The following NRXN3 variants were observed in gnomAD, a reference collection of about 807,000 sequenced individuals.
The protein encoded by NRXN3 is neurexin III.
Under a neutral mutation model 137.6 loss-of-function variants are expected in NRXN3, and 32 were observed. The observed-to-expected ratio is 0.23, with a 90% CI of 0.18 to 0.31. The LOEUF is 0.31. Among genes scored for constraint, NRXN3 ranks in the 10% least tolerant of loss-of-function variants. NRXN3 has a pLI of 1.00. For synonymous variants in NRXN3, 798 were observed against 784.5 expected (o/e 1.02, Z -0.29); for missense variants, 1,574 against 2,062.5 (o/e 0.76, Z 4.59).
rs78731830 is a variant in NRXN3 at position 78,350,482 on chromosome 14, G to C, written c.757+52622G>C. 8.3e-3 allele frequency among the ~76,000 whole-genome samples: 1,257 copies of C among 152,140 alleles called. 42 individuals carry two copies. In the East Asian group the frequency reaches 0.085, roughly 10 times the overall value. ...TGGGGCAGTGAATGTGGCCAGAGCA[G>C]GGTATGCGTGGGAGACAGGCAGGGA... On this transcript the variant is annotated intron_variant, in intron 4 of 20. Coordinates refer to ENST00000335750, the MANE Select transcript of NRXN3 (RefSeq NM_001330195.2).
At chr14:79,510,815 A>G (rs1018168508) in intron 16 of NRXN3, among the ~76,000 whole-genome samples, 11 of 152,136 alleles carry the variant, frequency 7.2e-5, no homozygotes, top group African/African-American at 2.7e-4. Flanking sequence ...CAGCTTAGTC[A>G]TATCTCAAGG....
intron 15 of NRXN3, among the ~76,000 whole-genome samples, chr14:79,306,955 C>G (rs1421378668): frequency 6.6e-6 from 1 of 151,974 alleles, no homozygotes; most frequent in Non-Finnish European, 1.5e-5. Flanking sequence ...TTCACTGACC[C>G]TTATTAAGAG....
At chr14:78,433,671 A>G (rs888617335) in intron 4 of NRXN3, among the ~76,000 whole-genome samples, 1 of 152,146 alleles carries the variant, frequency 6.6e-6, no homozygotes, top group South Asian at 2.1e-4. Flanking sequence ...GCTCTCTTCT[A>G]TCTTCCACTA....
At chr14:79,367,121 C>A (rs2093925787) in intron 15 of NRXN3, among the ~76,000 whole-genome samples, 1 of 151,760 alleles carries the variant, frequency 6.6e-6, no homozygotes, top group South Asian at 2.1e-4. Flanking sequence ...GTAGCTGGGA[C>A]TACAGGCGTC....
Position 79,520,036 on chromosome 14 carries a change from TAA to T in NRXN3, c.3444+52635_3444+52636del, listed in dbSNP as rs375982125. Among the ~76,000 whole-genome samples the T allele has an allele frequency of 7.1e-3, 1,083 of 152,190 alleles. 10 individuals are homozygous for T. Among genetic ancestry groups the T allele is most frequent in the African/African-American group, 0.024 (1,009 of 41,570 alleles). ...GCTGAATGTTTCTTCAGATAACTCT[TAA>T]GTTTTCTGTTTTTTGAATGTTATTT... On this transcript the variant is annotated intron_variant, in intron 16 of 20. Transcript: ENST00000335750.
chr14:78,431,212 G>A (rs1479303495), intron 4 of NRXN3, among the ~76,000 whole-genome samples: 2 of 152,154 alleles, frequency 1.3e-5, no homozygotes, highest in South Asian at 2.1e-4. Flanking sequence ...AGGAGATTCT[G>A]CATTCATTTA....
chr14:79,077,321 C>T (rs2046142992), intron 15 of NRXN3, among the ~76,000 whole-genome samples: 2 of 152,158 alleles, frequency 1.3e-5, no homozygotes, highest in Non-Finnish European at 2.9e-5. Context: ...TGTGTTTAGT[C>T]TTAACCACAT....
intron 15 of NRXN3, among the ~76,000 whole-genome samples, chr14:79,316,488 T>C (rs1436219415): frequency 1.3e-5 from 2 of 152,166 alleles, no homozygotes; most frequent in East Asian, 3.9e-4. Context: ...CTGTTAGTTG[T>C]TGAATTGTGG....
chr14:78,579,138 T>C (rs1355080225), intron 4 of NRXN3, among the ~76,000 whole-genome samples: 2 of 152,266 alleles, frequency 1.3e-5, no homozygotes, highest in African/African-American at 4.8e-5. Context: ...TTGTCACTGT[T>C]AGCCCATGAT....
intron 1 of NRXN3, among the ~76,000 whole-genome samples, chr14:78,225,172 C>T (rs1205327570): frequency 1.3e-5 from 2 of 152,194 alleles, no homozygotes; most frequent in East Asian, 3.9e-4. Flanking sequence ...GAAGAATCAC[C>T]ACACTGACTT....
chr14:79,006,326 C>CA (rs1329982667), intron 15 of NRXN3, among the ~76,000 whole-genome samples: 1 of 149,708 alleles, frequency 6.7e-6, no homozygotes, highest in Non-Finnish European at 1.5e-5. Flanking sequence ...TGGTAAATGG[C>CA]AAAAAACAAA....
In NRXN3 at chr14:78,874,869, C is replaced by T. The variant is rs138283828; in HGVS notation, c.2275+64525C>T. Among the ~76,000 whole-genome samples the T allele has an allele frequency of 4.0e-4, 61 of 152,308 alleles. 1 individual carries two copies. The highest frequency in any genetic ancestry group is 1.4e-3 in the African/African-American group (60 of 41,574). On this transcript the variant is annotated intron_variant, in intron 10 of 20. Transcript: ENST00000335750. Reference sequence around the variant, plus strand: ...CAGGCGAATAATGCAAGAAGAGTCACCTTGTGGGAAAATTGATGCCTGATA... The same window carrying T: ...CAGGCGAATAATGCAAGAAGAGTCATCTTGTGGGAAAATTGATGCCTGATA...
intron 15 of NRXN3, among the ~76,000 whole-genome samples, chr14:79,412,057 G>T (rs2095424637): frequency 6.6e-6 from 1 of 152,092 alleles, no homozygotes; most frequent in Non-Finnish European, 1.5e-5. Context: ...TCTCCTTATG[G>T]TGATGGTGGT....
At chr14:79,394,205 G>A (rs1024544696) in intron 15 of NRXN3, among the ~76,000 whole-genome samples, 1 of 152,308 alleles carries the variant, frequency 6.6e-6, no homozygotes, top group African/African-American at 2.4e-5. Context: ...CCAGGATGTA[G>A]GAAGAACACA....
At chr14:79,402,300 A>G (rs1023335755) in intron 15 of NRXN3, among the ~76,000 whole-genome samples, 1 of 152,220 alleles carries the variant, frequency 6.6e-6, no homozygotes, top group Admixed American at 6.5e-5. Context: ...AATACTAACT[A>G]TACAACATGT....
intron 20 of NRXN3, among the ~76,000 whole-genome samples, chr14:79,837,746 CAAAT>C (rs2141375827): frequency 6.6e-6 from 1 of 152,182 alleles, no homozygotes; most frequent in South Asian, 2.1e-4. Context: ...CTTTCTAAAC[CAAAT>C]AAATAAATCT....
At chr14:78,469,298 T>A (rs2095207043) in intron 4 of NRXN3, among the ~76,000 whole-genome samples, 1 of 152,196 alleles carries the variant, frequency 6.6e-6, no homozygotes, top group South Asian at 2.1e-4. Flanking sequence ...AAAATACTGA[T>A]GCCTGGGCCT....
At chr14:78,287,011 C>G (rs2075252388) in intron 3 of NRXN3, among the ~76,000 whole-genome samples, 1 of 152,186 alleles carries the variant, frequency 6.6e-6, no homozygotes, top group African/African-American at 2.4e-5. Flanking sequence ...CAGTGGTCTG[C>G]AAACTCTGGT....
chr14:78,946,586 T>C (rs1188701788), intron 10 of NRXN3, among the ~76,000 whole-genome samples: 1 of 152,176 alleles, frequency 6.6e-6, no homozygotes, highest in African/African-American at 2.4e-5. Flanking sequence ...TTATACAGTC[T>C]GAAAGTGGGG....
Sources: allele counts gnomAD v4.1 joint callset (sites outside exome capture counted in the v4.1 genomes callset), GRCh38; gene constraint gnomAD v4.1.1; transcripts MANE v1.5; gene names NCBI Gene and HGNC (gene_info 2026-07-23, HGNC 2026-07-21).